Variants in KAZN observed in about 807,000 individuals in gnomAD.
KAZN encodes kazrin.
In KAZN, 40 loss-of-function variants were observed where a neutral mutation model predicts 87.4. The ratio of observed to expected loss-of-function variants is 0.46; its 90% CI spans 0.36 to 0.60. KAZN has a LOEUF of 0.60. Among genes scored for constraint, KAZN ranks in the 20% least tolerant of loss-of-function variants. The probability of loss-of-function intolerance (pLI) is 0.00; values close to 1 mark genes in which losing one functional copy is unlikely to be tolerated. For synonymous variants in KAZN, 466 were observed against 458.3 expected, an observed-to-expected ratio of 1.02 and a Z score of -0.22; for missense variants, 898 against 1,073.9, an observed-to-expected ratio of 0.84 and a Z score of 2.29.
intron 2 of KAZN, among the ~76,000 whole-genome samples, chr1:14,212,110 T>A (rs1646865841): frequency 6.6e-6 from 1 of 152,248 alleles, no homozygotes; most frequent in Admixed American, 6.5e-5. Context: ...TTGCTGCGAA[T>A]GTTTTGGTGA....
intron 2 of KAZN, among the ~76,000 whole-genome samples, chr1:14,998,922 C>G (rs1006487714): frequency 3.9e-5 from 6 of 152,350 alleles, no homozygotes; most frequent in African/African-American, 1.2e-4. Context: ...AGCCTGGATT[C>G]AGACACAGGC....
intron 2 of KAZN, among the ~76,000 whole-genome samples, chr1:14,385,826 G>A (rs1465566183): frequency 2.7e-4 from 40 of 148,846 alleles, no homozygotes; most frequent in African/African-American, 1.0e-3. Context: ...ATGTCTATTA[G>A]GTCCGCTTGG....
At chr1:14,430,211 ACC>A (rs760681454) in intron 2 of KAZN, among the ~76,000 whole-genome samples, 1 of 139,160 alleles carries the variant, frequency 7.2e-6, no homozygotes. Flanking sequence ...CTGCCCTGCA[ACC>A]AAAAAAAAAA....
intron 1 of KAZN, among the ~76,000 whole-genome samples, chr1:13,946,274 A>G (rs1641143259): frequency 6.6e-6 from 1 of 152,174 alleles, no homozygotes; most frequent in Non-Finnish European, 1.5e-5. Context: ...CTTCTAAAGC[A>G]TGGTTTTTGT....
intron 1 of KAZN, among the ~76,000 whole-genome samples, chr1:14,822,739 C>G (rs1184774959): frequency 6.6e-6 from 1 of 152,230 alleles, no homozygotes; most frequent in Non-Finnish European, 1.5e-5. Flanking sequence ...GGCATCTGGT[C>G]TATCCCGTCT....
chr1:14,630,980 G>A (rs1462094955), intron 1 of KAZN, among the ~76,000 whole-genome samples: 2 of 152,122 alleles, frequency 1.3e-5, no homozygotes, highest in African/African-American at 2.4e-5. Flanking sequence ...ACTAGTATAC[G>A]TTGATTACCC....
chr1:14,738,940 A>G (rs1419443594), intron 1 of KAZN, among the ~76,000 whole-genome samples: 1 of 152,186 alleles, frequency 6.6e-6, no homozygotes, highest in African/African-American at 2.4e-5. Flanking sequence ...TGGGAGGCCA[A>G]GGCAGGAGGA....
chr1:15,046,505 C>A (rs2100372167), intron 4 of KAZN, among the ~76,000 whole-genome samples: 1 of 152,206 alleles, frequency 6.6e-6, no homozygotes, highest in South Asian at 2.1e-4. Context: ...CCCATGCCGT[C>A]CAAACCCACG....
intron 1 of KAZN, among the ~76,000 whole-genome samples, chr1:13,923,222 T>C (rs1197872770): frequency 6.6e-6 from 1 of 152,230 alleles, no homozygotes. Context: ...TTATGTACTA[T>C]ATCCTGACAA....
chr1:14,456,699 C>T (rs1022052529), intron 2 of KAZN, among the ~76,000 whole-genome samples: 5 of 152,068 alleles, frequency 3.3e-5, no homozygotes, highest in African/African-American at 7.2e-5. Context: ...AACAAAGCAC[C>T]GATGAGCATT....
At chr1:14,720,431 C>T (rs545205561) in intron 1 of KAZN, among the ~76,000 whole-genome samples, 1 of 152,250 alleles carries the variant, frequency 6.6e-6, no homozygotes, top group East Asian at 1.9e-4. Context: ...TTCGTTCTTG[C>T]CCCAAAAGGT....
intron 2 of KAZN, among the ~76,000 whole-genome samples, chr1:14,468,997 T>G (rs566965085): frequency 6.6e-6 from 1 of 152,302 alleles, no homozygotes; most frequent in Non-Finnish European, 1.5e-5. Flanking sequence ...TCTCTTTCTA[T>G]CCTCATTCTC....
Position 14,384,662 on chromosome 1 carries a change from A to C in KAZN, c.249+204070A>C, listed in dbSNP as rs532088520. ...GAACCAGCCTTGCATCCCAGGGATGAAGCCCACTTGATCATGGTGGATAAG... is the reference window on the plus strand; with the variant it reads ...GAACCAGCCTTGCATCCCAGGGATGCAGCCCACTTGATCATGGTGGATAAG... On this transcript the variant is annotated intron_variant, in intron 2 of 16. Coordinates refer to the KAZN transcript ENST00000636203. 5.5e-3 allele frequency among the ~76,000 whole-genome samples: 842 copies of C among 152,172 alleles called. 12 individuals carry two copies. The highest frequency in any genetic ancestry group is 0.019 in the African/African-American group (800 of 41,490).
chr1:13,909,813 A>G (rs534102475), intron 1 of KAZN, among the ~76,000 whole-genome samples: 2 of 152,252 alleles, frequency 1.3e-5, no homozygotes, highest in South Asian at 4.2e-4. Flanking sequence ...AAGGTGGGTA[A>G]TCTGTAGCGG....
rs186256755 is a variant in KAZN, at chr1:14,079,200, A to G, written c.92-101235A>G. On this transcript the variant is annotated intron_variant, in intron 1 of 16. Coordinates refer to the KAZN transcript ENST00000636203. Reference sequence around the variant, plus strand: ...GGCAGAGAAGGAACAGACATGTCACATGGCAAGAGAGGGAGCAAGAGAGAG... The same window carrying G: ...GGCAGAGAAGGAACAGACATGTCACGTGGCAAGAGAGGGAGCAAGAGAGAG... Among the ~76,000 whole-genome samples, 12 of 152,356 alleles carry G rather than the reference A, an allele frequency of 7.9e-5. No individual in the cohort carries two copies. The East Asian group carries it at 1.7e-3, about 22-fold the overall frequency.
chr1:14,957,837 CG>C (rs1289889521), intron 1 of KAZN, among the ~76,000 whole-genome samples: 10 of 152,180 alleles, frequency 6.6e-5, no homozygotes, highest in South Asian at 2.1e-4. Flanking sequence ...GGGAGGCTGT[CG>C]GCACCGAGTG....
intron 8 of KAZN, 105 bp downstream of exon 8, chr1:15,065,858 G>A: frequency 6.4e-7 from 1 of 1,554,194 alleles, no homozygotes; most frequent in Non-Finnish European, 8.7e-7. Flanking sequence ...GTGTGTGCAA[G>A]CGAGCGTGGG....
rs111665404 is a variant in KAZN, at chr1:14,274,840, CT to C, written c.249+94258del. 8.4e-4 allele frequency among the ~76,000 whole-genome samples: 124 copies of C among 148,216 alleles called. 1 individual carries two copies. The highest frequency in any genetic ancestry group is 2.6e-3 in the African/African-American group (106 of 40,314). On this transcript the variant is annotated intron_variant, in intron 2 of 16. Transcript: ENST00000636203. ...TCTAGAGGGAGCTCAATAAATATTT[CT>C]TTTTTTTTTCTTTTTTTTTGGGTCT...
At position 15,066,727 on chromosome 1, in the gene KAZN, C is replaced by G. The variant is rs886911882; in HGVS notation, c.1222+974C>G. 2 of 985,192 alleles carry G rather than the reference C, an allele frequency of 2.0e-6. No individual in the cohort carries two copies. The highest frequency in any genetic ancestry group is 2.4e-6 in the Non-Finnish European group (2 of 829,918). 61.0% of individuals were successfully genotyped at this position (985,192 alleles called of 1,614,324 possible). A position where few individuals can be genotyped will look rare whatever the true frequency, so the allele number is the denominator to read the frequency against. On this transcript the variant is annotated intron_variant, in intron 8 of 14. Transcript: ENST00000376030. This position sits in a 1 kb window ranked among gnomAD's most constrained non-coding sequence, Gnocchi z 4.3. ...GTCTGTTCTGTTACCATGCTGCTAC[C>G]CAACTGTGCAAAGTAGTTTAGGGTG...
Sources: allele counts gnomAD v4.1 joint callset (sites outside exome capture counted in the v4.1 genomes callset), GRCh38; gene constraint gnomAD v4.1.1; non-coding constraint Gnocchi (gnomAD v3.1); transcripts MANE v1.5; gene names NCBI Gene and HGNC (gene_info 2026-07-23, HGNC 2026-07-21).